Variants in CD96 observed in about 807,000 individuals in gnomAD.
The protein encoded by CD96 is CD96 molecule, also known as T-cell surface protein tactile.
Under a neutral mutation model 71.3 loss-of-function variants are expected in CD96, and 70 were observed. The observed-to-expected ratio is 0.98, with a 90% CI of 0.81 to 1.20. The LOEUF is 1.20. Ranked by LOEUF, CD96 falls within the 50% of genes most tolerant of loss-of-function variation. The pLI is 0.00. For synonymous variants in CD96, 248 were observed against 233.0 expected, an observed-to-expected ratio of 1.06 and a Z score of -0.59; for missense variants, 742 against 677.5, an observed-to-expected ratio of 1.10 and a Z score of -1.06.
At position 111,620,381 on chromosome 3, in the gene CD96, G is replaced by GTGAA. The variant is rs1938461202; in HGVS notation, c.1181-3372_1181-3369dup. 2.6e-5 allele frequency among the ~76,000 whole-genome samples: 4 copies of GTGAA among 152,204 alleles called. No individual in the cohort carries two copies. The South Asian group carries it at 8.3e-4, about 31-fold the overall frequency. On this transcript the variant is annotated intron_variant, in intron 8 of 13. Transcript: ENST00000352690. The stretch of plus-strand genomic sequence containing the variant: ...GCAGGGAGTATCAAGAGAGGACTAT[G>GTGAA]TGAAGGTTTTTAGAGATCAGGTCAT...
At chr3:111,566,998 A>T (rs1935744149) in intron 2 of CD96, among the ~76,000 whole-genome samples, 1 of 152,160 alleles carries the variant, frequency 6.6e-6, no homozygotes, top group African/African-American at 2.4e-5. Context: ...ATGAAGTGCC[A>T]GTGTGGGTTC....
intron 2 of CD96, among the ~76,000 whole-genome samples, chr3:111,549,158 C>T (rs1301851049): frequency 6.6e-6 from 1 of 151,924 alleles, no homozygotes; most frequent in African/African-American, 2.4e-5. Context: ...TTCTCCCCTC[C>T]CCTCTCTTCC....
chr3:111,578,744 C>A (rs998751474), intron 3 of CD96, among the ~76,000 whole-genome samples: 4 of 152,186 alleles, frequency 2.6e-5, no homozygotes, highest in African/African-American at 9.7e-5. Flanking sequence ...ATTCCAAACC[C>A]CAAATCCTGC....
intron 8 of CD96, among the ~76,000 whole-genome samples, chr3:111,621,920 T>C (rs1414846684): frequency 6.6e-6 from 1 of 152,152 alleles, no homozygotes; most frequent in Non-Finnish European, 1.5e-5. Context: ...CATATATGCT[T>C]TAGGTAGTCA....
At chr3:111,661,411 C>T (rs1384141681) in intron 14 of CD96, among the ~76,000 whole-genome samples, 1 of 152,200 alleles carries the variant, frequency 6.6e-6, no homozygotes, top group Non-Finnish European at 1.5e-5. Flanking sequence ...CTAGCAGTCC[C>T]CAAAAGTCTT....
At chr3:111,606,053 T>A (rs1208752917) in intron 7 of CD96, among the ~76,000 whole-genome samples, 1 of 152,132 alleles carries the variant, frequency 6.6e-6, no homozygotes, top group African/African-American at 2.4e-5. Flanking sequence ...ATTTAAGGAA[T>A]TGACATAAAT....
chr3:111,596,693 T>TA (rs1275681546), intron 5 of CD96, among the ~76,000 whole-genome samples: 1 of 152,230 alleles, frequency 6.6e-6, no homozygotes, highest in East Asian at 1.9e-4. Flanking sequence ...CAACTGGAGA[T>TA]AAAAATCAAT....
chr3:111,570,061 G>A (rs1425656896), intron 3 of CD96, among the ~76,000 whole-genome samples: 1 of 151,928 alleles, frequency 6.6e-6, no homozygotes, highest in Non-Finnish European at 1.5e-5. Context: ...GGTGGGGGTG[G>A]GGGCTCAGGG....
chr3:111,552,703 G>A (rs1934778616), intron 2 of CD96, among the ~76,000 whole-genome samples: 1 of 152,228 alleles, frequency 6.6e-6, no homozygotes, highest in South Asian at 2.1e-4. Flanking sequence ...TGGCCCACAG[G>A]CCAAGGTTTA....
intron 10 of CD96, among the ~76,000 whole-genome samples, chr3:111,624,905 TG>T (rs1473817708): frequency 5.9e-5 from 9 of 152,240 alleles, no homozygotes; most frequent in Non-Finnish European, 1.3e-4. Context: ...CAGTAGAGTC[TG>T]TAAGTGCTGC....
chr3:111,634,405 T>C (rs1427207183), intron 10 of CD96: 5 of 152,406 alleles, frequency 3.3e-5, no homozygotes, highest in Admixed American at 2.0e-4. Context: ...AACACAGTAT[T>C]CATGTTCATA....
chr3:111,614,675 CTA>C lies in CD96; in HGVS notation c.1180+7885_1180+7886del, dbSNP rs764230387. Reference sequence around the variant, plus strand: ...GGAAAAATGTGCACCTTTGCCTACTCTATGGGGGAAGTGCTCCTCTTCACCAG... The same window carrying C: ...GGAAAAATGTGCACCTTTGCCTACTCTGGGGGAAGTGCTCCTCTTCACCAG... On this transcript the variant is annotated intron_variant, in intron 8 of 13. Coordinates refer to ENST00000352690, the MANE Select transcript of CD96 (RefSeq NM_005816.5). Among the ~76,000 whole-genome samples the C allele has an allele frequency of 7.0e-4, 106 of 152,298 alleles. No homozygotes were observed. The Middle Eastern group carries it at 0.02, about 29-fold the overall frequency.
intron 10 of CD96, among the ~76,000 whole-genome samples, chr3:111,624,734 G>C (rs1184567895): frequency 6.7e-6 from 1 of 149,840 alleles, no homozygotes; most frequent in Non-Finnish European, 1.5e-5. Flanking sequence ...GGTGACATCT[G>C]AGCAATGCTA....
intron 4 of CD96, among the ~76,000 whole-genome samples, chr3:111,583,588 C>T: frequency 6.6e-6 from 1 of 152,248 alleles, no homozygotes; most frequent in African/African-American, 2.4e-5. Flanking sequence ...CATAAATCTT[C>T]TGAAATCTAG....
At chr3:111,550,552 C>A (rs1310284671) in intron 2 of CD96, among the ~76,000 whole-genome samples, 1 of 149,380 alleles carries the variant, frequency 6.7e-6, no homozygotes, top group African/African-American at 2.5e-5. Flanking sequence ...AAAATGGGGA[C>A]AATGATACTC....
intron 2 of CD96, among the ~76,000 whole-genome samples, chr3:111,556,654 G>A (rs1166849843): frequency 2.2e-5 from 3 of 134,804 alleles, no homozygotes; most frequent in African/African-American, 5.8e-5. Context: ...GAATAATGCC[G>A]CAATAAACAT....
intron 9 of CD96, 119 bp from the exon 10 acceptor site, chr3:111,624,214 C>A: frequency 1.3e-6 from 1 of 758,228 alleles, no homozygotes; most frequent in Non-Finnish European, 2.4e-6. Flanking sequence ...CATAGGGAAG[C>A]ACATTTTCAA....
intron 8 of CD96, among the ~76,000 whole-genome samples, chr3:111,614,314 C>A (rs1938112885): frequency 6.6e-6 from 1 of 152,020 alleles, no homozygotes; most frequent in Non-Finnish European, 1.5e-5. Flanking sequence ...GGCTTGGGTC[C>A]CTCTTTATGG....
chr3:111,601,370 A>T (rs1937490156), intron 7 of CD96, among the ~76,000 whole-genome samples: 1 of 152,202 alleles, frequency 6.6e-6, no homozygotes, highest in Non-Finnish European at 1.5e-5. Context: ...AAAATACCAT[A>T]AAAATAGGGA....
Sources: allele counts gnomAD v4.1 joint callset (sites outside exome capture counted in the v4.1 genomes callset), GRCh38; gene constraint gnomAD v4.1.1; transcripts MANE v1.5; gene names NCBI Gene and HGNC (gene_info 2026-07-23, HGNC 2026-07-21).